The following FHIT variants were observed in gnomAD, a reference collection of about 807,000 sequenced individuals.
The protein encoded by FHIT is bis(5'-adenosyl)-triphosphatase.
Under a neutral mutation model 17.9 loss-of-function variants are expected in FHIT, and 19 were observed. That is an observed-to-expected ratio of 1.06 (90% CI 0.74 to 1.56). FHIT has a LOEUF of 1.56. FHIT is among the 40% of genes most tolerant of loss of function. The probability of loss-of-function intolerance (pLI) is 0.00; values close to 1 mark genes in which losing one functional copy is unlikely to be tolerated. For missense variants in FHIT, 248 were observed against 189.2 expected (o/e 1.31, Z -1.82); for synonymous variants, 81 against 69.7 (o/e 1.16, Z -0.81).
chr3:61,184,551 G>A (rs541917977), intron 2 of FHIT, among the ~76,000 whole-genome samples: 1 of 152,184 alleles, frequency 6.6e-6, no homozygotes, highest in African/African-American at 2.4e-5. Flanking sequence ...GAACAAATAT[G>A]CCAGCAAGGA....
At chr3:61,019,510 C>A (rs1374442016) in intron 3 of FHIT, among the ~76,000 whole-genome samples, 1 of 152,168 alleles carries the variant, frequency 6.6e-6, no homozygotes, top group African/African-American at 2.4e-5. Context: ...AATAGGAAGT[C>A]TAATAGATTG....
intron 5 of FHIT, among the ~76,000 whole-genome samples, chr3:60,118,301 A>C (rs56334439): frequency 0.19 from 28,873 of 148,342 alleles, 3,342 homozygotes; most frequent in African/African-American, 0.33. Flanking sequence ...TTTTTTGTAG[A>C]GACAGGGTCT....
At chr3:60,749,094 T>C (rs2042417090) in intron 4 of FHIT, among the ~76,000 whole-genome samples, 1 of 152,074 alleles carries the variant, frequency 6.6e-6, no homozygotes, top group Non-Finnish European at 1.5e-5. Context: ...GGAAAAACAA[T>C]GAGAGATAAG....
At chr3:59,958,229 CT>C (rs1707497874) in intron 7 of FHIT, among the ~76,000 whole-genome samples, 1 of 152,204 alleles carries the variant, frequency 6.6e-6, no homozygotes. Flanking sequence ...ATCATCTTTT[CT>C]GTGGCAGTCC....
chr3:60,651,772 G>A (rs575303896), intron 4 of FHIT, among the ~76,000 whole-genome samples: 4 of 152,216 alleles, frequency 2.6e-5, no homozygotes, highest in African/African-American at 9.6e-5. Context: ...TTAACAAACG[G>A]TTGACATAAA....
At chr3:60,733,641 ACTCT>A (rs1225383387) in intron 4 of FHIT, among the ~76,000 whole-genome samples, 5 of 151,840 alleles carry the variant, frequency 3.3e-5, no homozygotes, top group Admixed American at 2.0e-4. Flanking sequence ...TCCCTAGATC[ACTCT>A]ATCCTTCATT....
At chr3:60,908,170 G>C (rs1191920658) in intron 3 of FHIT, among the ~76,000 whole-genome samples, 1 of 152,154 alleles carries the variant, frequency 6.6e-6, no homozygotes, top group African/African-American at 2.4e-5. Context: ...TCCTGTACCA[G>C]AAAAGAAGAT....
chr3:59,908,564 G>A (rs1254387828), intron 8 of FHIT, among the ~76,000 whole-genome samples: 1 of 152,076 alleles, frequency 6.6e-6, no homozygotes, highest in Non-Finnish European at 1.5e-5. Flanking sequence ...TGCACACAAG[G>A]ACCAGGCAAA....
At chr3:60,141,666 TA>T (rs1236282099) in intron 5 of FHIT, among the ~76,000 whole-genome samples, 1 of 152,188 alleles carries the variant, frequency 6.6e-6, no homozygotes, top group Non-Finnish European at 1.5e-5. Context: ...AAAAACATCC[TA>T]AAGAGTCAAC....
intron 5 of FHIT, among the ~76,000 whole-genome samples, chr3:60,370,462 T>C (rs1205707188): frequency 6.6e-6 from 1 of 152,158 alleles, no homozygotes; most frequent in Non-Finnish European, 1.5e-5. Context: ...CATTTCAAGG[T>C]CGCGCCTCCT....
chr3:61,210,209 C>T (rs974805037), intron 1 of FHIT, among the ~76,000 whole-genome samples: 86 of 152,318 alleles, frequency 5.6e-4, no homozygotes, highest in African/African-American at 1.9e-3. Flanking sequence ...GGTGTTAGAA[C>T]GCCCCTAGTG....
chr3:60,785,896 G>GAC (rs71092634), intron 4 of FHIT, among the ~76,000 whole-genome samples: 5,931 of 85,742 alleles, frequency 0.069, 153 homozygotes, highest in South Asian at 0.12. Context: ...ACAAACAGAA[G>GAC]ACACACACAC....
chr3:60,736,274 G>A (rs1294323973), intron 4 of FHIT, among the ~76,000 whole-genome samples: 2 of 152,106 alleles, frequency 1.3e-5, no homozygotes, highest in African/African-American at 4.8e-5. Context: ...GACCCAGCAA[G>A]TCTACTCCTA....
At chr3:60,921,291 T>C (rs1019546190) in intron 3 of FHIT, among the ~76,000 whole-genome samples, 11 of 152,200 alleles carry the variant, frequency 7.2e-5, no homozygotes, top group Non-Finnish European at 1.0e-4. Flanking sequence ...TATGCTGGTA[T>C]TGTATAGCTT....
intron 5 of FHIT, chr3:60,077,469 AC>A (rs1232458263): frequency 2.0e-5 from 3 of 151,986 alleles, no homozygotes; most frequent in Non-Finnish European, 2.9e-5. Flanking sequence ...CATTAATGGG[AC>A]AGGACAGGAA....
At chr3:60,931,865 C>T (rs781819234) in intron 3 of FHIT, among the ~76,000 whole-genome samples, 3 of 152,174 alleles carry the variant, frequency 2.0e-5, no homozygotes, top group Non-Finnish European at 4.4e-5. Context: ...ACTTAAATGA[C>T]CATTTTTGAG....
intron 5 of FHIT, among the ~76,000 whole-genome samples, chr3:60,407,676 G>T (rs147754606): frequency 0.039 from 5,984 of 152,036 alleles, 383 homozygotes; most frequent in African/African-American, 0.14. Flanking sequence ...CACCAGGCCT[G>T]GCTAAATTTT....
chr3:60,095,125 A>T (rs1703889071), intron 5 of FHIT, among the ~76,000 whole-genome samples: 1 of 152,188 alleles, frequency 6.6e-6, no homozygotes, highest in Non-Finnish European at 1.5e-5. Flanking sequence ...TAAAAAGCTG[A>T]GATAAAGACT....
At chr3:60,739,905 T>G (rs1233529021) in intron 4 of FHIT, among the ~76,000 whole-genome samples, 1 of 152,224 alleles carries the variant, frequency 6.6e-6, no homozygotes, top group East Asian at 1.9e-4. Context: ...AGAAAGATAC[T>G]GTTCCTGCTC....
Sources: gnomAD v4.1 joint callset for allele counts (sites outside exome capture counted in the v4.1 genomes callset) on GRCh38, gnomAD v4.1.1 for gene constraint, MANE v1.5 for transcripts, NCBI Gene and HGNC (gene_info 2026-07-23, HGNC 2026-07-21) for gene names.